Variants in VPS8 observed in about 807,000 individuals in gnomAD.
VPS8 encodes the protein vacuolar protein sorting-associated protein 8 homolog.
In VPS8, 129 loss-of-function variants were observed where a neutral mutation model predicts 216.4. The ratio of observed to expected loss-of-function variants is 0.60; its 90% CI spans 0.52 to 0.69. The LOEUF is 0.69. VPS8 is among the 30% of genes least tolerant of loss of function. The probability of loss-of-function intolerance (pLI) is 0.00; values close to 1 mark genes in which losing one functional copy is unlikely to be tolerated. For missense variants in VPS8, 1,531 were observed against 1,683.5 expected (o/e 0.91, Z 1.59); for synonymous variants, 571 against 565.4 (o/e 1.01, Z -0.14).
intron 30 of VPS8, among the ~76,000 whole-genome samples, chr3:184,925,772 A>G (rs1041671108): frequency 8.2e-6 from 1 of 121,522 alleles, no homozygotes; most frequent in Non-Finnish European, 1.8e-5. Context: ...TTCTCTCTCT[A>G]TTTTTTTTTT....
intron 36 of VPS8, among the ~76,000 whole-genome samples, chr3:184,940,902 G>T (rs1475298152): frequency 6.6e-6 from 1 of 152,150 alleles, no homozygotes; most frequent in Non-Finnish European, 1.5e-5. Flanking sequence ...TATCCTCTAA[G>T]ATAGCTACTC....
At chr3:184,812,893 C>T (rs1715462662) in intron 1 of VPS8, 1 of 152,372 alleles carries the variant, frequency 6.6e-6, no homozygotes, top group Non-Finnish European at 1.5e-5. Flanking sequence ...GGGGTGTCCA[C>T]CTCTTAGGAT....
Position 184,971,820 on chromosome 3 carries a change from A to G in VPS8, c.3420+68A>G, listed in dbSNP as rs1748460347. ...CCAGACATGGTGGCCCACGTCTGTA[A>G]TCCCAGCACTTTGGGAGGCCGAGAC... On this transcript the variant is annotated intron_variant, in intron 40 of 47. Transcript: ENST00000625842. 7.4e-6 allele frequency: 10 copies of G among 1,343,470 alleles called. No individual in the cohort carries two copies. The South Asian group carries it at 1.2e-4, about 17-fold the overall frequency. The allele number at this position is 1,343,470 out of a possible 1,614,324, so 83.2% of individuals were successfully genotyped here.
intron 36 of VPS8, among the ~76,000 whole-genome samples, chr3:184,948,547 GCAGGAAGTCAAGCCACGGACTTTAC>G (rs974752171): frequency 2.0e-5 from 3 of 152,122 alleles, no homozygotes; most frequent in African/African-American, 7.2e-5. Context: ...GGTCTTCAGG[GCAGGAAGTCAAGCCACGGACTTTAC>G]CAGTAGTAAA....
chr3:184,854,428 AGCATACAGTTG>A (rs1724862912), intron 13 of VPS8, among the ~76,000 whole-genome samples: 1 of 152,212 alleles, frequency 6.6e-6, no homozygotes, highest in African/African-American at 2.4e-5. Flanking sequence ...TCTCATAGAC[AGCATACAGTTG>A]GCTTTTGTTC....
chr3:184,966,551 C>G (rs138606143), intron 38 of VPS8, 120 bp from the exon 39 acceptor site: 121 of 544,148 alleles, frequency 2.2e-4, no homozygotes, highest in Middle Eastern at 1.9e-3. Flanking sequence ...CACTAAAGGA[C>G]TGTTCTTAAT....
Position 184,978,372 on chromosome 3 carries a change from C to T in VPS8, c.3421-4194C>T, listed in dbSNP as rs184468669. On this transcript the variant is annotated intron_variant, in intron 40 of 47. Coordinates refer to ENST00000625842, the MANE Select transcript of VPS8 (RefSeq NM_001009921.3). ...CCTTCCATCCTTCTGTCCGTCCATC[C>T]GTCCTCCCTCCCTCCCTCCTTCTCT... Among the ~76,000 whole-genome samples the T allele has an allele frequency of 1.8e-4, 28 of 151,816 alleles. No homozygotes were observed. The East Asian group carries it at 4.1e-3, about 22-fold the overall frequency.
chr3:185,031,132 C>T (rs1194643533), intron 46 of VPS8, among the ~76,000 whole-genome samples: 2 of 137,268 alleles, frequency 1.5e-5, no homozygotes, highest in East Asian at 2.3e-4. Context: ...CCATAACAAC[C>T]AGAAAAGCTG....
chr3:185,052,020 G>T lies in VPS8; in HGVS notation c.4282G>T (p.Asp1428Tyr), dbSNP rs1160298194. The T allele has an allele frequency of 6.2e-7, 1 of 1,609,328 alleles. No individual in the cohort carries two copies. The highest frequency in any genetic ancestry group is 1.7e-5 in the Admixed American group (1 of 59,784). The change falls in exon 48 of 48, where the codon GAT (aspartate) becomes TAT (tyrosine). Residue 1428 changes from aspartate (D) to tyrosine (Y), a missense_variant. Physicochemically the swap from Asp to Tyr is radical, Grantham distance 160. Transcript: ENST00000625842. ...LQLIPPPVTE[D>Y] Reference sequence around the variant, plus strand: ...GCTCATTCCTCCACCTGTGACTGAGGATTGATGACTCCATGGAGCCTGGCC... The same window carrying T: ...GCTCATTCCTCCACCTGTGACTGAGTATTGATGACTCCATGGAGCCTGGCC...
In VPS8 at chr3:184,888,106, G is replaced by A. The variant is rs559446822; in HGVS notation, c.1781+1950G>A. Among the ~76,000 whole-genome samples, 12 of 151,720 alleles carry A rather than the reference G, an allele frequency of 7.9e-5. No homozygotes were observed. In the South Asian group the frequency reaches 2.5e-3, roughly 32 times the overall value. On this transcript the variant is annotated intron_variant, in intron 22 of 47. Transcript: ENST00000625842. The stretch of plus-strand genomic sequence containing the variant: ...GGGTTCACGCCATTCTCCTGCCTCA[G>A]CCTCCCAGGTAGCTGGGACTACAGG...
intron 23 of VPS8, among the ~76,000 whole-genome samples, chr3:184,896,430 C>T (rs1027367622): frequency 3.9e-5 from 6 of 152,130 alleles, no homozygotes; most frequent in African/African-American, 1.4e-4. Context: ...ATCAAGACTT[C>T]TCCCCTTTTT....
intron 25 of VPS8, among the ~76,000 whole-genome samples, chr3:184,912,221 G>A (rs545454141): frequency 3.0e-4 from 45 of 152,118 alleles, no homozygotes; most frequent in Non-Finnish European, 5.4e-4. Context: ...CTCTTAATTC[G>A]TCTCAAAGTG....
chr3:184,917,997 A>C (rs753050633), intron 28 of VPS8, among the ~76,000 whole-genome samples: 1 of 152,188 alleles, frequency 6.6e-6, no homozygotes, highest in East Asian at 1.9e-4. Flanking sequence ...TAGGTTCTCA[A>C]CATGAATTTG....
intron 9 of VPS8, 131 bp from the exon 10 acceptor site, chr3:184,849,805 G>T: frequency 1.4e-6 from 1 of 707,494 alleles, no homozygotes. Context: ...CTTTAGGTAT[G>T]TTTTAACTTT....
chr3:184,865,497 C>A (rs1443735856), intron 16 of VPS8, among the ~76,000 whole-genome samples: 1 of 152,040 alleles, frequency 6.6e-6, no homozygotes, highest in Admixed American at 6.6e-5. Context: ...AAGAGCTGCT[C>A]AACATCATTA....
chr3:184,815,661 G>T (rs1239435846), intron 1 of VPS8: 2 of 152,088 alleles, frequency 1.3e-5, no homozygotes, highest in African/African-American at 4.8e-5. Flanking sequence ...TAGCTAGGCA[G>T]ATAGGGTACT....
At chr3:184,916,155 G>A (rs1257363369) in intron 28 of VPS8, among the ~76,000 whole-genome samples, 1 of 152,170 alleles carries the variant, frequency 6.6e-6, no homozygotes. Flanking sequence ...AGCTGGAGTC[G>A]AAATGGAACG....
intron 37 of VPS8, among the ~76,000 whole-genome samples, chr3:184,962,653 A>G (rs1031544900): frequency 6.6e-6 from 1 of 151,326 alleles, no homozygotes; most frequent in African/African-American, 2.4e-5. Flanking sequence ...CTTTCTTCCA[A>G]TTTATTATGG....
chr3:185,039,786 T>C (rs1759393843), intron 46 of VPS8, among the ~76,000 whole-genome samples: 1 of 152,116 alleles, frequency 6.6e-6, no homozygotes, highest in Non-Finnish European at 1.5e-5. Flanking sequence ...GTATGAAACA[T>C]GCAGTAGAAA....
Sources: allele counts gnomAD v4.1 joint callset (sites outside exome capture counted in the v4.1 genomes callset), GRCh38; gene constraint gnomAD v4.1.1; transcripts MANE v1.5; gene names NCBI Gene and HGNC (gene_info 2026-07-23, HGNC 2026-07-21).